PRDM15: variants seen among roughly 807,000 people sequenced by gnomAD.
PRDM15 encodes PR/SET domain 15.
A neutral mutation model predicts 128.6 loss-of-function variants in PRDM15; 64 were observed. The ratio of observed to expected loss-of-function variants is 0.50; its 90% CI spans 0.41 to 0.61. The LOEUF is 0.61. PRDM15 is among the 20% of genes least tolerant of loss of function. The pLI is 0.00. For missense variants in PRDM15, 1,242 were observed against 1,569.1 expected (o/e 0.79, Z 3.52); for synonymous variants, 615 against 621.8 (o/e 0.99, Z 0.16).
intron 11 of PRDM15, among the ~76,000 whole-genome samples, chr21:41,831,346 C>T (rs73359668): frequency 1.3e-5 from 2 of 152,218 alleles, no homozygotes; most frequent in Admixed American, 6.5e-5. Context: ...GAGCAGATAC[C>T]GGGCTTCCAC....
chr21:41,838,403 A>G (rs1008821061), intron 7 of PRDM15, among the ~76,000 whole-genome samples: 6 of 152,266 alleles, frequency 3.9e-5, no homozygotes, highest in Non-Finnish European at 5.9e-5. Context: ...TACTACATCA[A>G]TTCTGACAGA....
In PRDM15 at chr21:41,810,891, A is replaced by T. The variant is rs1401955890; in HGVS notation, c.2393-55T>A. The T allele has an allele frequency of 6.6e-7, 1 of 1,521,246 alleles. No individual in the cohort carries two copies. The highest frequency in any genetic ancestry group is 9.1e-7 in the Non-Finnish European group (1 of 1,096,090). The allele number at this position is 1,521,246 out of a possible 1,614,324, so 94.2% of individuals were successfully genotyped here. ...CGTTTAATGAGTGTTGTAAGTCCAC[A>T]TCAGGGCATGTCTTCTCCCTGACAC... On this transcript the variant is annotated intron_variant, in intron 19 of 23. Coordinates refer to ENST00000398548, the MANE Select transcript of PRDM15 (RefSeq NM_001040424.3). The surrounding 1 kb of genome is among the most constrained non-coding windows in gnomAD (Gnocchi z 6.4).
At chr21:41,857,080 A>G in intron 4 of PRDM15, 96 bp downstream of exon 4, 1 of 1,126,444 alleles carries the variant, frequency 8.9e-7, no homozygotes, top group Non-Finnish European at 1.3e-6. Flanking sequence ...GGCATTTATA[A>G]ATCATGGAAA....
At chr21:41,871,816 G>A (rs2064223097) in intron 1 of PRDM15, 1 of 571,450 alleles carries the variant, frequency 1.7e-6, no homozygotes, top group Non-Finnish European at 3.0e-6. Context: ...CCCAGGCTCA[G>A]GACGTGCAGA....
At chr21:41,864,833 T>C (rs2063942725) in intron 1 of PRDM15, among the ~76,000 whole-genome samples, 1 of 151,746 alleles carries the variant, frequency 6.6e-6, no homozygotes, top group Non-Finnish European at 1.5e-5. Flanking sequence ...AAACCCAAAC[T>C]CCTGCACATG....
chr21:41,811,114 A>G lies in PRDM15; in HGVS notation c.2393-278T>C. The G allele has an allele frequency of 2.3e-6, 1 of 431,100 alleles. No homozygotes were observed. The highest frequency in any genetic ancestry group is 4.1e-5 in the East Asian group (1 of 24,116). 26.7% of individuals were successfully genotyped at this position (431,100 alleles called of 1,614,324 possible). On this transcript the variant is annotated intron_variant, in intron 19 of 23. Coordinates refer to ENST00000398548, the MANE Select transcript of PRDM15 (RefSeq NM_001040424.3). The surrounding 1 kb of genome is among the most constrained non-coding windows in gnomAD (Gnocchi z 4.1). ...GACAGAAAGTGGAACCCACATGTGG[A>G]CAAGCAGAAAAACGATAGGAATTTC... is the stretch of plus-strand genomic sequence containing the variant.
intron 1 of PRDM15, among the ~76,000 whole-genome samples, chr21:41,869,858 C>T (rs1488321060): frequency 6.6e-6 from 1 of 152,254 alleles, no homozygotes; most frequent in Non-Finnish European, 1.5e-5. Flanking sequence ...TACAACGCCC[C>T]ATGGCCTCGG....
chr21:41,857,428 T>C (rs1295276411), intron 3 of PRDM15, 99 bp from the exon 4 acceptor site: 1 of 1,285,256 alleles, frequency 7.8e-7, no homozygotes, highest in Non-Finnish European at 1.1e-6. Context: ...ACCGCCAGGG[T>C]TCTTCGGAAA....
chr21:41,805,868 C>T (rs987160761), intron 21 of PRDM15, among the ~76,000 whole-genome samples: 7 of 151,434 alleles, frequency 4.6e-5, no homozygotes, highest in Admixed American at 4.6e-4. Flanking sequence ...CCATTAACAA[C>T]ACCATCACCA....
rs749467878 is a variant in PRDM15 at position 41,819,739 on chromosome 21, C to T, written c.2141-38G>A. On this transcript the variant is annotated intron_variant, in intron 17 of 23. Coordinates refer to ENST00000398548, the MANE Select transcript of PRDM15 (RefSeq NM_001040424.3). ...GCATCTGCCACTCAGAGCCGAGCAG[C>T]TCCGACCTGCAGTGGCTGCAAAGAG... The T allele has an allele frequency of 4.5e-6, 7 of 1,569,598 alleles. No individual in the cohort carries two copies. In the East Asian group the frequency reaches 1.6e-4, roughly 37 times the overall value.
At position 41,839,762 on chromosome 21, in the gene PRDM15, G is replaced by T; in HGVS notation, c.732C>A (p.Pro244=). ...CGGGCACTGCAGGGGGTTCCCCCCG[G>T]GGTGTGTCCTGCTCCTTCTCGGGAG... ...AAAPEKEQDT[P]RGEPPAVPES... is the part of the protein sequence containing the mutation. Residue 244 remains proline, a synonymous_variant, in exon 7 of 24, where the codon CCC becomes CCA. Transcript: ENST00000398548. 6.2e-7 allele frequency: 1 copy of T among 1,614,276 alleles called. No individual in the cohort carries two copies. The highest frequency in any genetic ancestry group is 8.5e-7 in the Non-Finnish European group (1 of 1,180,050).
At chr21:41,855,617 G>C (rs2850131) in intron 4 of PRDM15, among the ~76,000 whole-genome samples, 106,370 of 152,070 alleles carry the variant, frequency 0.7, 38,261 homozygotes, top group African/African-American at 0.88. Context: ...CTGGCGGCAC[G>C]CTCTCTCTGG....
At chr21:41,806,344 C>T (rs1047380359) in intron 21 of PRDM15, among the ~76,000 whole-genome samples, 1 of 57,692 alleles carries the variant, frequency 1.7e-5, no homozygotes, top group Non-Finnish European at 3.5e-5. Context: ...TCACCATCAC[C>T]ACCACCATCA....
At chr21:41,804,899 C>T (rs2061515123) in intron 21 of PRDM15, among the ~76,000 whole-genome samples, 2 of 152,082 alleles carry the variant, frequency 1.3e-5, no homozygotes, top group Admixed American at 6.5e-5. Context: ...CCTTTTTGGC[C>T]CCCCACCAAA....
chr21:41,814,395 T>TAA (rs1555866297), intron 19 of PRDM15: 2 of 25,538 alleles, frequency 7.8e-5, no homozygotes, highest in African/African-American at 1.8e-4. Context: ...CTCTAGTGTT[T>TAA]TGAGAATGCC....
rs753159041 is a variant in PRDM15, at chr21:41,836,419, CCCAGT to C, written c.1183+44_1183+48del. The C allele has an allele frequency of 4.5e-6, 7 of 1,565,604 alleles. No homozygotes were observed. The South Asian group carries it at 4.6e-5, about 10-fold the overall frequency. On this transcript the variant is annotated intron_variant, in intron 9 of 23. Transcript: ENST00000398548. ...TCCGTGCTGTCCTCCCACCCCCAGC[CCCAGT>C]CCTGGCCCTGGCCCCGGGCGCCAGC...
At chr21:41,807,559 A>G (rs7279297) in intron 21 of PRDM15, among the ~76,000 whole-genome samples, 53,493 of 151,550 alleles carry the variant, frequency 0.35, 10,124 homozygotes, top group East Asian at 0.53. Context: ...GTCTAGGGTC[A>G]TCTCTTCCAT....
Position 41,815,714 on chromosome 21 carries a change from G to T in PRDM15, c.2383C>A (p.Arg795=). 6.2e-7 allele frequency: 1 copy of T among 1,613,520 alleles called. No homozygotes were observed. Among genetic ancestry groups the T allele is most frequent in the Non-Finnish European group, 8.5e-7 (1 of 1,179,914 alleles). The change falls in exon 19 of 24, where the codon CGG becomes AGG. Residue 795 remains arginine (R), a synonymous_variant. Coordinates refer to ENST00000398548, the MANE Select transcript of PRDM15 (RefSeq NM_001040424.3). Reference sequence around the variant, plus strand: ...CGGGCCTCGGACTCACCCGTGTGCCGCTTGCAGTGCTTGAGCATGTTGACC... The same window carrying T: ...CGGGCCTCGGACTCACCCGTGTGCCTCTTGCAGTGCTTGAGCATGTTGACC... ...QKVNMLKHCK[R]HTGIKDFMCE... is the part of the protein sequence containing the mutation.
At chr21:41,835,999 G>GC (rs367767670) in intron 10 of PRDM15, 114 bp downstream of exon 10, 8,674 of 184,542 alleles carry the variant, frequency 0.047, 385 homozygotes, top group South Asian at 0.076. Context: ...CACAGCCCCC[G>GC]CCCACTCTCC....
Sources: gnomAD v4.1 joint callset for allele counts (sites outside exome capture counted in the v4.1 genomes callset) on GRCh38, gnomAD v4.1.1 for gene constraint, Gnocchi (gnomAD v3.1) non-coding constraint, MANE v1.5 for transcripts, NCBI Gene and HGNC (gene_info 2026-07-23, HGNC 2026-07-21) for gene names.